The following KCNH8 variants were observed in gnomAD, a reference collection of about 807,000 sequenced individuals.
KCNH8 encodes the protein voltage-gated delayed rectifier potassium channel KCNH8.
A neutral mutation model predicts 103.6 loss-of-function variants in KCNH8; 70 were observed. The ratio of observed to expected loss-of-function variants is 0.68; its 90% CI spans 0.56 to 0.82. The LOEUF (loss-of-function observed/expected upper bound fraction) is 0.82. Among genes scored for constraint, KCNH8 ranks in the 40% least tolerant of loss-of-function variants. KCNH8 has a pLI of 0.00. For synonymous variants in KCNH8, 498 were observed against 489.4 expected (o/e 1.02, Z -0.23); for missense variants, 1,217 against 1,329.9 (o/e 0.92, Z 1.32).
At chr3:19,367,467 AAT>A (rs879379168) in intron 5 of KCNH8, among the ~76,000 whole-genome samples, 3 of 146,914 alleles carry the variant, frequency 2.0e-5, no homozygotes, top group Non-Finnish European at 4.5e-5. Flanking sequence ...TATATATCAT[AAT>A]ATATATATAT....
chr3:19,506,103 CCTGAATCTCGATTGT>C (rs1325876163), intron 11 of KCNH8, among the ~76,000 whole-genome samples: 31 of 152,168 alleles, frequency 2.0e-4, no homozygotes, highest in Non-Finnish European at 5.9e-5. Context: ...CTGACTTTCT[CCTGAATCTCGATTGT>C]CTATGTTCCC....
chr3:19,462,234 T>A (rs1212683918), intron 11 of KCNH8, among the ~76,000 whole-genome samples: 6 of 152,214 alleles, frequency 3.9e-5, no homozygotes, highest in Non-Finnish European at 7.3e-5. Context: ...TCCACAATGG[T>A]TGAACTAGTT....
Position 19,362,048 on chromosome 3 carries a change from A to C in KCNH8, c.811+14083A>C, listed in dbSNP as rs116645939. The stretch of plus-strand genomic sequence containing the variant: ...AGAATTTGGTGAGGTAATTATATCA[A>C]GAAATCAGCTCACTCACTGTTCAAT... On this transcript the variant is annotated intron_variant, in intron 5 of 15. Coordinates refer to ENST00000328405, the MANE Select transcript of KCNH8 (RefSeq NM_144633.3). Among the ~76,000 whole-genome samples, 386 of 152,294 alleles carry C rather than the reference A, an allele frequency of 2.5e-3. 3 individuals carry two copies. The highest frequency in any genetic ancestry group is 8.7e-3 in the African/African-American group (360 of 41,560).
rs190111223 is a variant in KCNH8 at position 19,275,233 on chromosome 3, A to C, written c.311-5965A>C. Among the ~76,000 whole-genome samples the C allele has an allele frequency of 6.5e-4, 99 of 152,098 alleles. 1 individual carries two copies. In the Middle Eastern group the frequency reaches 0.024, roughly 37 times the overall value. ...TGTTTATTCTGCCAGTGTTTTTTCAACTCAATATAGTATGCGTATTCTACC... is the reference window on the plus strand; with the variant it reads ...TGTTTATTCTGCCAGTGTTTTTTCACCTCAATATAGTATGCGTATTCTACC... On this transcript the variant is annotated intron_variant, in intron 2 of 15. Coordinates refer to ENST00000328405, the MANE Select transcript of KCNH8 (RefSeq NM_144633.3).
At chr3:19,437,142 A>G (rs141368325) in intron 7 of KCNH8, among the ~76,000 whole-genome samples, 1 of 152,308 alleles carries the variant, frequency 6.6e-6, no homozygotes, top group Admixed American at 6.5e-5. Context: ...CAGTCATTCA[A>G]TCAAGTGTTT....
chr3:19,408,131 T>C (rs940423210), intron 7 of KCNH8, among the ~76,000 whole-genome samples: 2 of 152,044 alleles, frequency 1.3e-5, no homozygotes, highest in African/African-American at 2.4e-5. Context: ...CCCAGCCCCA[T>C]TGGTCACAAC....
intron 7 of KCNH8, among the ~76,000 whole-genome samples, chr3:19,400,641 C>A (rs368843486): frequency 1.3e-5 from 2 of 151,612 alleles, no homozygotes; most frequent in East Asian, 1.9e-4. Context: ...GTGGGAAGGC[C>A]AAGAATCTAG....
intron 7 of KCNH8, among the ~76,000 whole-genome samples, chr3:19,408,468 G>C (rs2066727724): frequency 6.6e-6 from 1 of 152,094 alleles, no homozygotes; most frequent in South Asian, 2.1e-4. Flanking sequence ...TGAATGTAGT[G>C]ACACCACCAA....
intron 3 of KCNH8, among the ~76,000 whole-genome samples, chr3:19,341,881 A>G (rs2125316450): frequency 6.6e-6 from 1 of 152,264 alleles, no homozygotes; most frequent in African/African-American, 2.4e-5. Flanking sequence ...GAATATGTAT[A>G]CCAAAATTTA....
At chr3:19,184,048 G>A (rs2063480719) in intron 1 of KCNH8, among the ~76,000 whole-genome samples, 1 of 152,048 alleles carries the variant, frequency 6.6e-6, no homozygotes, top group African/African-American at 2.4e-5. Flanking sequence ...TTGAACATAA[G>A]CATGCTCTTT....
chr3:19,437,331 CTAGATAA>C (rs896974224), intron 7 of KCNH8, among the ~76,000 whole-genome samples: 4 of 151,960 alleles, frequency 2.6e-5, no homozygotes, highest in Admixed American at 6.6e-5. Context: ...TGTTTAAATT[CTAGATAA>C]TATTATTAAG....
At chr3:19,188,585 T>C (rs1207002368) in intron 1 of KCNH8, among the ~76,000 whole-genome samples, 1 of 152,086 alleles carries the variant, frequency 6.6e-6, no homozygotes, top group African/African-American at 2.4e-5. Context: ...TATATACTCT[T>C]TAACAAATGA....
intron 11 of KCNH8, among the ~76,000 whole-genome samples, chr3:19,466,944 A>G (rs906761351): frequency 4.6e-5 from 7 of 152,114 alleles, no homozygotes; most frequent in African/African-American, 1.7e-4. Context: ...TACAGGCGTG[A>G]GCCACTGCGC....
At chr3:19,260,180 A>G (rs1324828225) in intron 2 of KCNH8, among the ~76,000 whole-genome samples, 1 of 151,682 alleles carries the variant, frequency 6.6e-6, no homozygotes, top group Non-Finnish European at 1.5e-5. Flanking sequence ...CATTTTAACT[A>G]ATATGTACAT....
intron 7 of KCNH8, among the ~76,000 whole-genome samples, chr3:19,413,180 C>T (rs1336005504): frequency 1.3e-5 from 2 of 148,758 alleles, no homozygotes; most frequent in Non-Finnish European, 3.0e-5. Context: ...CATGGAATAT[C>T]ACATAGCCAA....
intron 2 of KCNH8, among the ~76,000 whole-genome samples, chr3:19,276,830 A>G (rs1000422896): frequency 2.0e-5 from 3 of 152,172 alleles, no homozygotes; most frequent in African/African-American, 7.2e-5. Context: ...TAAAACTTCC[A>G]TATAATCCAG....
intron 1 of KCNH8, among the ~76,000 whole-genome samples, chr3:19,226,579 A>T (rs2063934103): frequency 6.8e-6 from 1 of 146,848 alleles, no homozygotes; most frequent in Non-Finnish European, 1.5e-5. Context: ...TGTTTCTTTC[A>T]GTCTTTCTCT....
chr3:19,205,222 C>T (rs955908767), intron 1 of KCNH8, among the ~76,000 whole-genome samples: 1 of 151,014 alleles, frequency 6.6e-6, no homozygotes, highest in Non-Finnish European at 1.5e-5. Context: ...ATTTCAATGG[C>T]AAAAAAAATG....
chr3:19,410,031 C>T (rs2066753274), intron 7 of KCNH8, among the ~76,000 whole-genome samples: 1 of 152,118 alleles, frequency 6.6e-6, no homozygotes, highest in Non-Finnish European at 1.5e-5. Context: ...ACCTAATAAA[C>T]ATCTATAGAA....
Sources: allele counts gnomAD v4.1 joint callset (sites outside exome capture counted in the v4.1 genomes callset), GRCh38; gene constraint gnomAD v4.1.1; transcripts MANE v1.5; gene names NCBI Gene and HGNC (gene_info 2026-07-23, HGNC 2026-07-21).